RNF180: variants seen among roughly 807,000 people sequenced by gnomAD.
RNF180 encodes E3 ubiquitin-protein ligase RNF180.
Under a neutral mutation model 59.2 loss-of-function variants are expected in RNF180, and 38 were observed. That is an observed-to-expected ratio of 0.64 (90% CI 0.50 to 0.84). The LOEUF (loss-of-function observed/expected upper bound fraction) is 0.84, where lower values mean the gene tolerates loss of function less well. RNF180 is among the 40% of genes least tolerant of loss of function. The probability of loss-of-function intolerance (pLI) is 0.00; values close to 1 mark genes in which losing one functional copy is unlikely to be tolerated. For missense variants in RNF180, 705 were observed against 700.9 expected (o/e 1.01, Z -0.07); for synonymous variants, 262 against 240.3 (o/e 1.09, Z -0.84).
chr5:64,214,880 T>A (rs1269636446), intron 4 of RNF180, among the ~76,000 whole-genome samples: 1 of 152,114 alleles, frequency 6.6e-6, no homozygotes, highest in Non-Finnish European at 1.5e-5. Flanking sequence ...ATGTTTTTTT[T>A]AAATTTTGGG....
chr5:64,352,866 A>G (rs970846130), intron 7 of RNF180, among the ~76,000 whole-genome samples: 2 of 151,942 alleles, frequency 1.3e-5, no homozygotes, highest in African/African-American at 2.4e-5. Context: ...CTGAAGACTC[A>G]GCTCCATCAC....
At chr5:64,320,618 A>G (rs1744295375) in intron 5 of RNF180, among the ~76,000 whole-genome samples, 1 of 152,186 alleles carries the variant, frequency 6.6e-6, no homozygotes, top group Admixed American at 6.5e-5. Context: ...ATACTAATAA[A>G]CCTAATCCCT....
rs532101547 is a variant in RNF180, at chr5:64,349,842, A to G, written c.1579+19436A>G. On this transcript the variant is annotated intron_variant, in intron 7 of 7. Coordinates refer to ENST00000389100, the MANE Select transcript of RNF180 (RefSeq NM_001113561.2). ...TTTCTTAATCCAGTCTATCATTGCTAGACATTAGGGTTGGTTCCAAGTCTT... is the reference window on the plus strand; with the variant it reads ...TTTCTTAATCCAGTCTATCATTGCTGGACATTAGGGTTGGTTCCAAGTCTT... 5.8e-3 allele frequency among the ~76,000 whole-genome samples: 882 copies of G among 152,202 alleles called. 5 individuals are homozygous for G. The highest frequency in any genetic ancestry group is 0.01 in the Non-Finnish European group (690 of 67,992).
chr5:64,308,101 G>A (rs1939345974), intron 5 of RNF180, among the ~76,000 whole-genome samples: 1 of 151,742 alleles, frequency 6.6e-6, no homozygotes, highest in Non-Finnish European at 1.5e-5. Flanking sequence ...GAAAGCCAAG[G>A]CTATTCTGAT....
chr5:64,254,499 G>A (rs981585971), intron 5 of RNF180, among the ~76,000 whole-genome samples: 1 of 152,102 alleles, frequency 6.6e-6, no homozygotes, highest in South Asian at 2.1e-4. Flanking sequence ...GCTTTTTATA[G>A]AATATTATGT....
At chr5:64,249,740 G>A (rs546360439) in intron 5 of RNF180, among the ~76,000 whole-genome samples, 1 of 152,270 alleles carries the variant, frequency 6.6e-6, no homozygotes, top group African/African-American at 2.4e-5. Flanking sequence ...TGGTCATTAT[G>A]TAATGGCAAA....
At chr5:64,203,121 T>A (rs149366183) in intron 2 of RNF180, among the ~76,000 whole-genome samples, 1 of 152,318 alleles carries the variant, frequency 6.6e-6, no homozygotes, top group African/African-American at 2.4e-5. Context: ...CTGTAGGATG[T>A]ATTGGGATGG....
intron 7 of RNF180, among the ~76,000 whole-genome samples, chr5:64,367,419 A>G (rs969544072): frequency 6.6e-6 from 1 of 151,736 alleles, no homozygotes. Context: ...AAGTTTTTAA[A>G]TCAAATCAGA....
At chr5:64,295,836 G>C (rs1742857510) in intron 5 of RNF180, among the ~76,000 whole-genome samples, 1 of 152,092 alleles carries the variant, frequency 6.6e-6, no homozygotes, top group Non-Finnish European at 1.5e-5. Context: ...CTTACATACT[G>C]AGCATCTTCT....
At chr5:64,185,832 A>G (rs1201517907) in intron 1 of RNF180, among the ~76,000 whole-genome samples, 1 of 152,216 alleles carries the variant, frequency 6.6e-6, no homozygotes, top group African/African-American at 2.4e-5. Context: ...TGGTGATGCA[A>G]AGACATAAGT....
intron 1 of RNF180, among the ~76,000 whole-genome samples, chr5:64,176,522 G>A (rs1404677026): frequency 6.6e-6 from 1 of 152,076 alleles, no homozygotes; most frequent in Admixed American, 6.5e-5. Context: ...TTAACAAGGT[G>A]TTTTCTTGCT....
intron 5 of RNF180, among the ~76,000 whole-genome samples, chr5:64,285,955 C>T (rs1742263236): frequency 6.6e-6 from 1 of 152,096 alleles, no homozygotes; most frequent in Non-Finnish European, 1.5e-5. Flanking sequence ...CGTAGGGTCT[C>T]CTGCAGCCAG....
intron 1 of RNF180, among the ~76,000 whole-genome samples, chr5:64,182,963 A>G (rs1449375181): frequency 6.6e-6 from 1 of 152,166 alleles, no homozygotes; most frequent in Admixed American, 6.5e-5. Flanking sequence ...TCTCGGAGCT[A>G]GTTGCTGCTT....
chr5:64,239,049 C>G (rs1403651799), intron 5 of RNF180, among the ~76,000 whole-genome samples: 1 of 151,998 alleles, frequency 6.6e-6, no homozygotes, highest in African/African-American at 2.4e-5. Context: ...GGTGTTTTGT[C>G]TGATTTTGCT....
chr5:64,170,852 A>G (rs1749899302), intron 1 of RNF180, among the ~76,000 whole-genome samples: 1 of 152,182 alleles, frequency 6.6e-6, no homozygotes, highest in African/African-American at 2.4e-5. Flanking sequence ...TTCCAGTGGG[A>G]TTCAAGAGCA....
intron 5 of RNF180, among the ~76,000 whole-genome samples, chr5:64,319,677 A>C (rs1449395952): frequency 1.3e-5 from 2 of 152,230 alleles, no homozygotes; most frequent in Non-Finnish European, 2.9e-5. Flanking sequence ...CCCTGTGAGC[A>C]ATGCAGAATA....
chr5:64,280,595 T>C lies in RNF180; in HGVS notation c.1228-44591T>C, dbSNP rs144879583. Among the ~76,000 whole-genome samples the C allele has an allele frequency of 3.9e-3, 590 of 152,164 alleles. 4 individuals are homozygous for C. Among genetic ancestry groups the C allele is most frequent in the Non-Finnish European group, 5.4e-3 (365 of 67,986 alleles). Reference sequence around the variant, plus strand: ...CTCATTGTTTTTTTTTTGTCGACTTTGTTGAAGATCAGATGGTTTTAGGTG... The same window carrying C: ...CTCATTGTTTTTTTTTTGTCGACTTCGTTGAAGATCAGATGGTTTTAGGTG... On this transcript the variant is annotated intron_variant, in intron 5 of 7. Transcript: ENST00000389100.
chr5:64,302,482 T>C (rs972592512), intron 5 of RNF180, among the ~76,000 whole-genome samples: 6 of 151,556 alleles, frequency 4.0e-5, no homozygotes, highest in Non-Finnish European at 8.9e-5. Flanking sequence ...TATGTCTTTT[T>C]AGGGCTGAGA....
intron 7 of RNF180, among the ~76,000 whole-genome samples, chr5:64,330,795 C>G (rs1015962910): frequency 6.6e-6 from 1 of 152,262 alleles, no homozygotes; most frequent in Non-Finnish European, 1.5e-5. Context: ...GCTGCACATT[C>G]CACAGAGCTG....
Sources: gnomAD v4.1 joint callset for allele counts (sites outside exome capture counted in the v4.1 genomes callset) on GRCh38, gnomAD v4.1.1 for gene constraint, MANE v1.5 for transcripts, NCBI Gene and HGNC (gene_info 2026-07-23, HGNC 2026-07-21) for gene names.